OLFM3: variants seen among roughly 807,000 people sequenced by gnomAD.
OLFM3 encodes olfactomedin 3, also known as noelin-3.
A neutral mutation model predicts 48.6 loss-of-function variants in OLFM3; 20 were observed. The ratio of observed to expected loss-of-function variants is 0.41; its 90% CI spans 0.29 to 0.60. The LOEUF (loss-of-function observed/expected upper bound fraction) is 0.60. OLFM3 is among the 20% of genes least tolerant of loss of function. OLFM3 has a pLI of 0.28. For synonymous variants in OLFM3, 222 were observed against 198.1 expected (o/e 1.12, Z -1.01); for missense variants, 437 against 544.3 (o/e 0.80, Z 1.96).
intron 1 of OLFM3, among the ~76,000 whole-genome samples, chr1:101,889,999 A>T (rs890462034): frequency 1.3e-5 from 2 of 152,062 alleles, no homozygotes; most frequent in Non-Finnish European, 2.9e-5. Flanking sequence ...ATACCCAAAA[A>T]ATTCAGCCAC....
chr1:101,975,183 G>C (rs1250069582), intron 1 of OLFM3, among the ~76,000 whole-genome samples: 1 of 152,156 alleles, frequency 6.6e-6, no homozygotes, highest in Non-Finnish European at 1.5e-5. Flanking sequence ...AACAATTGCT[G>C]TTTGGGTACA....
chr1:101,988,231 A>G (rs1409158212), intron 1 of OLFM3, among the ~76,000 whole-genome samples: 5 of 152,180 alleles, frequency 3.3e-5, no homozygotes, highest in African/African-American at 1.2e-4. Context: ...AAGTAGTCAA[A>G]ACAACATGTA....
intron 1 of OLFM3, among the ~76,000 whole-genome samples, chr1:101,848,588 A>G (rs1022864500): frequency 3.3e-5 from 5 of 151,984 alleles, no homozygotes; most frequent in Admixed American, 3.3e-4. Context: ...ACCAAATATT[A>G]TTACTTTTCT....
intron 2 of OLFM3, among the ~76,000 whole-genome samples, chr1:101,834,608 C>T (rs1655312763): frequency 6.6e-6 from 1 of 152,186 alleles, no homozygotes; most frequent in Non-Finnish European, 1.5e-5. Context: ...ACTTAACCTC[C>T]TTCAGGCCAC....
chr1:101,929,225 T>C (rs1331209600), intron 1 of OLFM3, among the ~76,000 whole-genome samples: 1 of 152,152 alleles, frequency 6.6e-6, no homozygotes, highest in Admixed American at 6.6e-5. Flanking sequence ...AGTGTAATCA[T>C]CTTTTTGTTT....
In OLFM3 at chr1:101,836,939, T is replaced by C. The variant is rs928317164; in HGVS notation, c.156A>G (p.Pro52=). 3 of 1,614,054 alleles carry C rather than the reference T, an allele frequency of 1.9e-6. No individual in the cohort carries two copies. The African/African-American group carries it at 4.0e-5, about 22-fold the overall frequency. The part of the protein sequence containing the change: ...DGRCICTVVA[P]EQNLCSRDAK... ...CATCCCGGGAACACAGGTTTTGTTC[T>C]GGAGCAACAACTGTGCAAATGCACC... is the stretch of plus-strand genomic sequence containing the variant. The change falls in exon 2 of 6, where the codon CCA becomes CCG. Residue 52 remains proline (P), a synonymous_variant. Coordinates refer to ENST00000370103, the MANE Select transcript of OLFM3 (RefSeq NM_058170.4).
chr1:101,804,723 C>G lies in OLFM3; in HGVS notation c.892G>C (p.Asp298His). 1.9e-6 allele frequency: 3 copies of G among 1,612,684 alleles called. No homozygotes were observed. Among genetic ancestry groups the G allele is most frequent in the Non-Finnish European group, 2.5e-6 (3 of 1,179,188 alleles). ...QSNIIIKYSF[D>H]MGRVLAQRSL... ...CGTTGGGCAAGCACTCTCCCCATAT[C>G]AAAGCTGTATTTGATGATGATATTA... The change falls in exon 6 of 6, where the codon GAT becomes CAT. Residue 298 changes from aspartate (D) to histidine (H), a missense_variant. By Grantham distance (81) the Asp-to-His change is moderately conservative. Around this residue, in one of 3 missense-constraint regions of OLFM3, gnomAD observed 314 missense variants for 365.5 expected, o/e 0.86. Transcript: ENST00000370103. The surrounding 1 kb of genome is among the most constrained non-coding windows in gnomAD (Gnocchi z 4.5).
intron 1 of OLFM3, among the ~76,000 whole-genome samples, chr1:101,935,449 C>T (rs886467969): frequency 6.6e-6 from 1 of 151,974 alleles, no homozygotes; most frequent in Non-Finnish European, 1.5e-5. Context: ...CATGAACTGA[C>T]CAATAATGAG....
At chr1:101,990,269 G>A (rs1236148512) in intron 1 of OLFM3, among the ~76,000 whole-genome samples, 1 of 152,132 alleles carries the variant, frequency 6.6e-6, no homozygotes, top group East Asian at 1.9e-4. Context: ...AAGCTATGCT[G>A]ATAACTTTAT....
chr1:101,829,160 C>T (rs1029367143), intron 3 of OLFM3, among the ~76,000 whole-genome samples: 4 of 152,134 alleles, frequency 2.6e-5, no homozygotes, highest in African/African-American at 9.7e-5. Flanking sequence ...GGTATGTGCT[C>T]GATAAATACT....
intron 1 of OLFM3, among the ~76,000 whole-genome samples, chr1:101,955,377 T>G (rs1660257130): frequency 6.6e-6 from 1 of 151,996 alleles, no homozygotes; most frequent in African/African-American, 2.4e-5. Flanking sequence ...AGTAAGAATT[T>G]AATGAATTGT....
At position 101,904,498 on chromosome 1, in the gene OLFM3, A is replaced by G. The variant is rs143773864; in HGVS notation, c.70-67473T>C. Among the ~76,000 whole-genome samples, 458 of 152,218 alleles carry G rather than the reference A, an allele frequency of 3.0e-3. 4 individuals are homozygous for G. Among genetic ancestry groups the G allele is most frequent in the African/African-American group, 0.01 (435 of 41,564 alleles). ...AGAGTGGATGAGAATGAGTTTGTCA[A>G]TACCTAACTTTTAAGTAACTTGGAG... On this transcript the variant is annotated intron_variant, in intron 1 of 5. Transcript: ENST00000370103.
At chr1:101,991,016 A>AAAAAAAAAAAAAAAAAAAAAT (rs1553186119) in intron 1 of OLFM3, among the ~76,000 whole-genome samples, 1 of 32,200 alleles carries the variant, frequency 3.1e-5, no homozygotes, top group Non-Finnish European at 5.2e-5. Context: ...AAAAAAAAAA[A>AAAAAAAAAAAAAAAAAAAAAT]ATATATATAT....
intron 1 of OLFM3, among the ~76,000 whole-genome samples, chr1:101,890,506 G>GGA (rs1657950268): frequency 1.3e-5 from 2 of 151,806 alleles, no homozygotes; most frequent in East Asian, 3.9e-4. Context: ...AAGTGTCATT[G>GGA]GTTTTCTAAT....
chr1:101,831,475 T>A (rs1327416890), intron 2 of OLFM3, among the ~76,000 whole-genome samples: 1 of 152,184 alleles, frequency 6.6e-6, no homozygotes, highest in Non-Finnish European at 1.5e-5. Flanking sequence ...CCAGGTTCGC[T>A]GAACCCTGGG....
At chr1:101,877,831 T>C (rs931318691) in intron 1 of OLFM3, among the ~76,000 whole-genome samples, 4 of 151,892 alleles carry the variant, frequency 2.6e-5, no homozygotes, top group African/African-American at 7.2e-5. Context: ...TTATACAACA[T>C]ATTTTTTATT....
intron 1 of OLFM3, among the ~76,000 whole-genome samples, chr1:101,976,095 G>A (rs1660945295): frequency 6.6e-6 from 1 of 152,116 alleles, no homozygotes; most frequent in Non-Finnish European, 1.5e-5. Context: ...AGACATGAAA[G>A]TCTCCAAAAC....
chr1:101,891,735 C>A (rs180969194), intron 1 of OLFM3, among the ~76,000 whole-genome samples: 3 of 152,070 alleles, frequency 2.0e-5, no homozygotes, highest in African/African-American at 7.2e-5. Context: ...GTGGCCAAAT[C>A]TCCAATGTGT....
chr1:101,919,681 T>C (rs1659034814), intron 1 of OLFM3, among the ~76,000 whole-genome samples: 1 of 152,204 alleles, frequency 6.6e-6, no homozygotes, highest in Admixed American at 6.5e-5. Context: ...TTTCTTCTAC[T>C]CATCCTAAGT....
Sources: allele counts gnomAD v4.1 joint callset (sites outside exome capture counted in the v4.1 genomes callset), GRCh38; gene constraint gnomAD v4.1.1; regional missense constraint gnomAD v4.1.1; non-coding constraint Gnocchi (gnomAD v3.1); transcripts MANE v1.5; gene names NCBI Gene and HGNC (gene_info 2026-07-23, HGNC 2026-07-21).